The following FBXL4 variants were observed in gnomAD, a reference collection of about 807,000 sequenced individuals.
The protein encoded by FBXL4 is F-box/LRR-repeat protein 4.
In FBXL4, 40 loss-of-function variants were observed where a neutral mutation model predicts 58.9. The ratio of observed to expected loss-of-function variants is 0.68; its 90% confidence interval spans 0.53 to 0.88. FBXL4 has a LOEUF of 0.88. Among genes scored for constraint, FBXL4 ranks in the 40% least tolerant of loss-of-function variants. FBXL4 has a pLI of 0.00. For missense variants in FBXL4, 676 were observed against 734.4 expected (o/e 0.92, Z 0.92); for synonymous variants, 263 against 265.5 (o/e 0.99, Z 0.09).
chr6:98,943,893 C>T (rs1043222327), intron 1 of FBXL4, among the ~76,000 whole-genome samples: 2 of 152,158 alleles, frequency 1.3e-5, no homozygotes, highest in African/African-American at 4.8e-5. Flanking sequence ...AACAATTACA[C>T]ATATTATCTT....
At chr6:98,892,959 A>G (rs1031657678) in intron 7 of FBXL4, among the ~76,000 whole-genome samples, 1 of 152,156 alleles carries the variant, frequency 6.6e-6, no homozygotes, top group Non-Finnish European at 1.5e-5. Flanking sequence ...GGCAATCAAA[A>G]CTGGATGCAG....
intron 8 of FBXL4, among the ~76,000 whole-genome samples, chr6:98,878,906 T>A (rs935078908): frequency 6.6e-6 from 1 of 152,114 alleles, no homozygotes; most frequent in Non-Finnish European, 1.5e-5. Context: ...CAGAAGCCTA[T>A]CAAATGGCTT....
At chr6:98,919,811 T>C (rs1772509374) in intron 4 of FBXL4, among the ~76,000 whole-genome samples, 1 of 152,202 alleles carries the variant, frequency 6.6e-6, no homozygotes, top group Non-Finnish European at 1.5e-5. Flanking sequence ...GAGTAAATTA[T>C]AGAATACATG....
chr6:98,923,065 T>C (rs1229513530), intron 4 of FBXL4, among the ~76,000 whole-genome samples: 1 of 152,130 alleles, frequency 6.6e-6, no homozygotes, highest in Admixed American at 6.5e-5. Flanking sequence ...TTGGGCTTCA[T>C]CTAGGGAGTG....
chr6:98,905,473 TA>T lies in FBXL4; in HGVS notation c.1055del (p.Leu352TyrfsTer19). On this transcript the variant is annotated frameshift_variant, in exon 6 of 10. Coordinates refer to ENST00000369244, the MANE Select transcript of FBXL4 (RefSeq NM_001278716.2). LOFTEE classifies it high-confidence loss of function. ...SRCTLVQWLN[L>X]SWTGNRGFIS... ...TGAAGCCTCTATTGCCAGTCCAAGA[TA>T]AATTAAGCCACTGGACAAGAGTGCA... is the stretch of plus-strand genomic sequence containing the variant. The T allele has an allele frequency of 6.2e-7, 1 of 1,614,016 alleles. No homozygotes were observed. The highest frequency in any genetic ancestry group is 8.5e-7 in the Non-Finnish European group (1 of 1,179,948).
chr6:98,910,025 C>T (rs1476876806), intron 5 of FBXL4, among the ~76,000 whole-genome samples: 1 of 152,142 alleles, frequency 6.6e-6, no homozygotes, highest in Admixed American at 6.5e-5. Context: ...GAAAGTTAAG[C>T]TATTTGTGTT....
chr6:98,899,224 T>G, intron 7 of FBXL4, 44 bp downstream of exon 7: 1 of 1,596,106 alleles, frequency 6.3e-7, no homozygotes, highest in Non-Finnish European at 8.5e-7. Flanking sequence ...AATCTTCAGT[T>G]GGCTACCATA....
At chr6:98,893,065 T>G (rs917878685) in intron 7 of FBXL4, among the ~76,000 whole-genome samples, 14 of 152,108 alleles carry the variant, frequency 9.2e-5, no homozygotes, top group Admixed American at 4.6e-4. Flanking sequence ...CTACCTATCA[T>G]GCCCCACTTT....
chr6:98,917,159 T>C (rs1452042603), intron 5 of FBXL4, among the ~76,000 whole-genome samples: 1 of 152,162 alleles, frequency 6.6e-6, no homozygotes, highest in East Asian at 1.9e-4. Context: ...TACTTAATAG[T>C]TTACCCAGAA....
intron 7 of FBXL4, chr6:98,897,245 C>T (rs778691477): frequency 2.1e-5 from 21 of 985,122 alleles, no homozygotes; most frequent in Non-Finnish European, 2.5e-5. Flanking sequence ...CAGTAAAAAG[C>T]AGGTATGGCA....
At position 98,872,377 on chromosome 6, in the gene FBXL4, A is replaced by T. The variant is rs1770513845; in HGVS notation, c.*1901T>A. ...TCTCATGGATTAATGTAAGTATTTG[A>T]CAATACCTATCTGCAAGGAATTTTC... On this transcript the variant is annotated 3_prime_UTR_variant, in exon 10 of 10. Transcript: ENST00000369244. The T allele has an allele frequency of 1.3e-5, 2 of 152,208 alleles. No homozygotes were observed. Among genetic ancestry groups the T allele is most frequent in the African/African-American group, 4.8e-5 (2 of 41,444 alleles). The allele number at this position is 152,208 out of a possible 1,614,324, so 9.4% of individuals were successfully genotyped here.
At chr6:98,889,876 A>G (rs891137162) in intron 7 of FBXL4, among the ~76,000 whole-genome samples, 3 of 152,170 alleles carry the variant, frequency 2.0e-5, no homozygotes, top group African/African-American at 7.2e-5. Flanking sequence ...TTTCATTGAC[A>G]GCTTTTTAAG....
At position 98,870,422 on chromosome 6, in the gene FBXL4, T is replaced by A. The variant is rs1436469534; in HGVS notation, c.*3856A>T. The A allele has an allele frequency of 3.3e-5, 5 of 152,208 alleles. No individual in the cohort carries two copies. Among genetic ancestry groups the A allele is most frequent in the African/African-American group, 1.2e-4 (5 of 41,456 alleles). 9.4% of individuals were successfully genotyped at this position (152,208 alleles called of 1,614,324 possible). A position where few individuals can be genotyped will look rare whatever the true frequency, so the allele number is the denominator to read the frequency against. On this transcript the variant is annotated 3_prime_UTR_variant, in exon 10 of 10. Coordinates refer to ENST00000369244, the MANE Select transcript of FBXL4 (RefSeq NM_001278716.2). The stretch of plus-strand genomic sequence containing the variant: ...ACTTTCAGTGCTCATGAAATTTTAT[T>A]GGAACATGGCCACACTCATTCGTTT...
chr6:98,926,791 T>A lies in FBXL4; in HGVS notation c.198A>T (p.Gly66=). The change falls in exon 4 of 10, where the codon GGA becomes GGT. Residue 66 remains glycine (G), a synonymous_variant. Transcript: ENST00000369244. The part of the protein sequence containing the change: ...KEVVDFSSHY[G]SENSMSYTMW... The stretch of plus-strand genomic sequence containing the variant: ...TAGTATAGGACATACTATTCTCACT[T>A]CCATAATGGGAACTGAAATCCACTA... 6.2e-7 allele frequency: 1 copy of A among 1,614,190 alleles called. No homozygotes were observed. The highest frequency in any genetic ancestry group is 1.1e-5 in the South Asian group (1 of 91,082).
At position 98,888,788 on chromosome 6, in the gene FBXL4, T is replaced by A. The variant is rs930476991; in HGVS notation, c.1318-8164A>T. Among the ~76,000 whole-genome samples the A allele has an allele frequency of 2.6e-5, 4 of 152,360 alleles. No homozygotes were observed. The South Asian group carries it at 8.3e-4, about 32-fold the overall frequency. ...CACTAAGGAGTGACTGGGTCCATGA[T>A]AATTTCTTCTACAGAATTACCAAAA... On this transcript the variant is annotated intron_variant, in intron 7 of 9. Coordinates refer to ENST00000369244, the MANE Select transcript of FBXL4 (RefSeq NM_001278716.2).
chr6:98,906,045 G>C (rs1170092733), intron 5 of FBXL4, among the ~76,000 whole-genome samples: 2 of 152,068 alleles, frequency 1.3e-5, no homozygotes, highest in Admixed American at 6.6e-5. Context: ...CAGTCCAGTG[G>C]GGATTGGTAA....
At chr6:98,907,343 C>T (rs532502077) in intron 5 of FBXL4, among the ~76,000 whole-genome samples, 4 of 152,094 alleles carry the variant, frequency 2.6e-5, no homozygotes, top group East Asian at 1.9e-4. Context: ...TCATTGTGGG[C>T]GTGCTACTGG....
At chr6:98,923,828 A>AT (rs943195582) in intron 4 of FBXL4, among the ~76,000 whole-genome samples, 2 of 151,948 alleles carry the variant, frequency 1.3e-5, no homozygotes, top group African/African-American at 4.8e-5. Context: ...AGAATTACAG[A>AT]TTTTTTTCAT....
At chr6:98,937,999 A>C (rs1467291963) in intron 1 of FBXL4, among the ~76,000 whole-genome samples, 1 of 149,086 alleles carries the variant, frequency 6.7e-6, no homozygotes, top group African/African-American at 2.5e-5. Flanking sequence ...AATTTCTCTA[A>C]GATCCATATC....
Sources: gnomAD v4.1 joint callset for allele counts (sites outside exome capture counted in the v4.1 genomes callset) on GRCh38, gnomAD v4.1.1 for gene constraint, MANE v1.5 for transcripts, NCBI Gene and HGNC (gene_info 2026-07-23, HGNC 2026-07-21) for gene names.